EEIG2: variants seen among roughly 807,000 people sequenced by gnomAD.
The protein encoded by EEIG2 is EEIG family member 2, also known as family with sequence similarity 102 member B.
the EEIG2 span, among the ~76,000 whole-genome samples, chr1:108,594,046 A>G: frequency 6.6e-6 from 1 of 152,048 alleles, no homozygotes. Flanking sequence ...GAGCTCAAGC[A>G]ATCCGCTTGC....
the EEIG2 span, among the ~76,000 whole-genome samples, chr1:108,571,080 G>A: frequency 1.3e-5 from 2 of 152,158 alleles, no homozygotes; most frequent in African/African-American, 2.4e-5. Flanking sequence ...ATGATATTAC[G>A]ATAGCCAGAA....
chr1:108,619,296 A>G, the EEIG2 span, among the ~76,000 whole-genome samples: 1 of 152,210 alleles, frequency 6.6e-6, no homozygotes, highest in African/African-American at 2.4e-5. Context: ...TTCCAAATAC[A>G]TAAAATATTT....
chr1:108,581,944 A>G, the EEIG2 span, among the ~76,000 whole-genome samples: 1 of 152,134 alleles, frequency 6.6e-6, no homozygotes, highest in East Asian at 1.9e-4. Context: ...TTATGAAAGG[A>G]AGAGTCTATT....
At chr1:108,617,513 A>G in the EEIG2 span, among the ~76,000 whole-genome samples, 4 of 152,208 alleles carry the variant, frequency 2.6e-5, no homozygotes, top group African/African-American at 9.7e-5. Context: ...GGGCATGTCA[A>G]GTAGGCAATT....
the EEIG2 span, among the ~76,000 whole-genome samples, chr1:108,597,419 C>G: frequency 1.6e-4 from 24 of 152,210 alleles, no homozygotes; most frequent in Non-Finnish European, 2.9e-4. Flanking sequence ...CCTGCCCTCA[C>G]TTCAGGCTGT....
chr1:108,566,772 G>A, the EEIG2 span, among the ~76,000 whole-genome samples: 10 of 151,864 alleles, frequency 6.6e-5, no homozygotes, highest in Admixed American at 5.2e-4. Flanking sequence ...AATGAAATAA[G>A]CCAGGCACAG....
chr1:108,604,042 G>A, the EEIG2 span, among the ~76,000 whole-genome samples: 7 of 152,334 alleles, frequency 4.6e-5, no homozygotes, highest in African/African-American at 1.4e-4. Flanking sequence ...ACAAGTGAGT[G>A]TGGCTGAGAA....
At chr1:108,607,217 G>A in the EEIG2 span, among the ~76,000 whole-genome samples, 1 of 152,176 alleles carries the variant, frequency 6.6e-6, no homozygotes, top group Admixed American at 6.5e-5. Context: ...TTCTTGGCCA[G>A]CTCCCCTCCT....
At chr1:108,609,797 G>T in the EEIG2 span, among the ~76,000 whole-genome samples, 13 of 152,212 alleles carry the variant, frequency 8.5e-5, no homozygotes, top group Admixed American at 2.6e-4. Flanking sequence ...GCAAACTTAT[G>T]CAGGAACAGA....
chr1:108,624,705 T>C, the EEIG2 span: 2 of 1,613,958 alleles, frequency 1.2e-6, no homozygotes, highest in African/African-American at 1.3e-5. Context: ...TGCAAGAAGA[T>C]AGAAAAGGTG....
chr1:108,603,282 A>T, the EEIG2 span, among the ~76,000 whole-genome samples: 1 of 152,218 alleles, frequency 6.6e-6, no homozygotes, highest in South Asian at 2.1e-4. Flanking sequence ...AGCAGCGAAG[A>T]CACTGAGTTG....
the EEIG2 span, among the ~76,000 whole-genome samples, chr1:108,594,857 T>A: frequency 6.6e-6 from 1 of 152,204 alleles, no homozygotes; most frequent in Admixed American, 6.5e-5. Flanking sequence ...ATATTTATAA[T>A]GCTGTGCTGA....
chr1:108,574,470 G>A, the EEIG2 span, among the ~76,000 whole-genome samples: 1 of 152,188 alleles, frequency 6.6e-6, no homozygotes, highest in African/African-American at 2.4e-5. Context: ...GTTAAGATGG[G>A]CCAGGCGTGG....
chr1:108,579,629 G>A, the EEIG2 span, among the ~76,000 whole-genome samples: 3 of 151,494 alleles, frequency 2.0e-5, no homozygotes, highest in Middle Eastern at 6.8e-3. Context: ...CAAATCAACA[G>A]AATATACATT....
At chr1:108,594,447 T>G in the EEIG2 span, among the ~76,000 whole-genome samples, 3 of 152,194 alleles carry the variant, frequency 2.0e-5, no homozygotes, top group African/African-American at 4.8e-5. Context: ...ATGTCTATAC[T>G]GTAGAGACAG....
chr1:108,596,882 G>A, the EEIG2 span, among the ~76,000 whole-genome samples: 1 of 151,868 alleles, frequency 6.6e-6, no homozygotes, highest in African/African-American at 2.4e-5. Context: ...GGGACTACAG[G>A]TGCACGCCAC....
chr1:108,565,641 A>G, the EEIG2 span, among the ~76,000 whole-genome samples: 3 of 152,154 alleles, frequency 2.0e-5, no homozygotes, highest in Non-Finnish European at 4.4e-5. Context: ...CTGATAGCCA[A>G]ATAGTTTTCT....
chr1:108,592,429 T>G, the EEIG2 span, among the ~76,000 whole-genome samples: 1 of 152,250 alleles, frequency 6.6e-6, no homozygotes, highest in Non-Finnish European at 1.5e-5. Flanking sequence ...AATAGACAAC[T>G]GCACTTCGCA....
the EEIG2 span, among the ~76,000 whole-genome samples, chr1:108,596,399 C>G: frequency 6.6e-6 from 1 of 152,058 alleles, no homozygotes; most frequent in Non-Finnish European, 1.5e-5. Context: ...GGGAAGGAGC[C>G]AGGAGAATAA....
Sources: allele counts gnomAD v4.1 joint callset (sites outside exome capture counted in the v4.1 genomes callset), GRCh38; gene constraint gnomAD v4.1.1; transcripts MANE v1.5; gene names NCBI Gene and HGNC (gene_info 2026-07-23, HGNC 2026-07-21).